Variants in JADE2 observed in about 807,000 individuals in gnomAD.
JADE2 encodes E3 ubiquitin-protein ligase Jade-2.
In JADE2, 13 loss-of-function variants were observed where a neutral mutation model predicts 85.7. The observed-to-expected ratio is 0.15, with a 90% confidence interval of 0.10 to 0.24. The LOEUF (loss-of-function observed/expected upper bound fraction) is 0.24, where lower values mean the gene tolerates loss of function less well. Among genes scored for constraint, JADE2 ranks in the 10% least tolerant of loss-of-function variants. The probability of loss-of-function intolerance (pLI) is 1.00; values close to 1 mark genes in which losing one functional copy is unlikely to be tolerated. For missense variants in JADE2, 846 were observed against 1,115.9 expected (o/e 0.76, Z 3.45); for synonymous variants, 440 against 456.1 (o/e 0.96, Z 0.45).
chr5:134,526,433 G>A, intron 1 of JADE2: 1 of 985,398 alleles, frequency 1.0e-6, no homozygotes, highest in Non-Finnish European at 1.2e-6. Context: ...GATGGGTACG[G>A]TGGGGAGGTC....
At position 134,552,044 on chromosome 5, in the gene JADE2, C is replaced by A. The variant is rs370504594; in HGVS notation, c.154-8C>A. 13 of 1,614,050 alleles carry A rather than the reference C, an allele frequency of 8.1e-6. No homozygotes were observed. The African/African-American group carries it at 1.7e-4, about 22-fold the overall frequency. On this transcript the variant is annotated splice_polypyrimidine_tract_variant and splice_region_variant and intron_variant, in intron 3 of 11. Transcript: ENST00000681547. Reference sequence around the variant, plus strand: ...TGAAGTCACTCTTTCCCCTCTTGCCCCTCACAGGTTTTCCGGACAGACTTG... The same window carrying A: ...TGAAGTCACTCTTTCCCCTCTTGCCACTCACAGGTTTTCCGGACAGACTTG...
intron 3 of JADE2, 63 bp from the exon 4 acceptor site, chr5:134,551,989 G>T (rs1762619309): frequency 6.5e-7 from 1 of 1,534,596 alleles, no homozygotes; most frequent in Non-Finnish European, 9.0e-7. Context: ...TCTTCCTCTG[G>T]CCTGTGGGGC....
intron 9 of JADE2, among the ~76,000 whole-genome samples, chr5:134,569,442 C>T (rs1763855176): frequency 6.6e-6 from 1 of 152,232 alleles, no homozygotes; most frequent in South Asian, 2.1e-4. Flanking sequence ...CCTTGGGCCT[C>T]GGCCCCAGCG....
chr5:134,529,158 T>C (rs1382986372), intron 1 of JADE2, among the ~76,000 whole-genome samples: 1 of 152,198 alleles, frequency 6.6e-6, no homozygotes, highest in Non-Finnish European at 1.5e-5. Flanking sequence ...TAGTCCAAAT[T>C]CTTCATGGCA....
intron 4 of JADE2, among the ~76,000 whole-genome samples, chr5:134,555,948 C>T (rs964494202): frequency 9.9e-5 from 15 of 152,104 alleles, no homozygotes; most frequent in African/African-American, 3.6e-4. Context: ...GCCCCCTCGA[C>T]CTTATATAGG....
intron 1 of JADE2, among the ~76,000 whole-genome samples, chr5:134,529,213 C>T (rs956952534): frequency 2.0e-5 from 3 of 152,294 alleles, no homozygotes; most frequent in African/African-American, 7.2e-5. Context: ...CCTTTAGGTT[C>T]TCTGATGGGG....
At chr5:134,547,146 G>A (rs908083907) in intron 3 of JADE2, among the ~76,000 whole-genome samples, 2 of 152,176 alleles carry the variant, frequency 1.3e-5, no homozygotes, top group Admixed American at 1.3e-4. Flanking sequence ...CTTTTGAATG[G>A]TTGTGATCTG....
chr5:134,579,240 G>A lies in JADE2; in HGVS notation c.2428G>A (p.Glu810Lys), dbSNP rs772295800. The A allele has an allele frequency of 5.0e-5, 80 of 1,613,920 alleles. No homozygotes were observed. In the Admixed American group the frequency reaches 5.0e-4, roughly 10 times the overall value. ...GATGAGCGACTCAGATGTAGAGGCC[G>A]AGGACGGTGGGGTGCAGCGGGGTCC... ...GEMSDSDVEA[E>K]DGGVQRGPRE... The change falls in exon 12 of 12, where the codon GAG becomes AAG. Residue 810 changes from glutamate (E) to lysine (K), a missense_variant. This residue lies in a region of JADE2 where 300 missense variants were observed against 300.7 expected (regional missense o/e 1.00). Transcript: ENST00000681547. This position sits in a 1 kb window ranked among gnomAD's most constrained non-coding sequence, Gnocchi z 4.6.
In JADE2 at chr5:134,535,840, G is replaced by C; in HGVS notation, c.1-18G>C. 6.2e-7 allele frequency: 1 copy of C among 1,613,434 alleles called. No homozygotes were observed. Among genetic ancestry groups the C allele is most frequent in the South Asian group, 1.1e-5 (1 of 91,072 alleles). On this transcript the variant is annotated intron_variant, in intron 1 of 11. Transcript: ENST00000681547. ...CCCAAGCCATCCGTGAGTATAATGG[G>C]CTTGCCTTTTGTTGCAGATGGAAGA... is the stretch of plus-strand genomic sequence containing the variant.
At chr5:134,571,080 C>T (rs1463867802) in intron 9 of JADE2, among the ~76,000 whole-genome samples, 6 of 152,208 alleles carry the variant, frequency 3.9e-5, no homozygotes, top group Non-Finnish European at 5.9e-5. Context: ...GGAGTCTCTC[C>T]GTGCCTCCCA....
chr5:134,552,900 T>C, intron 4 of JADE2, among the ~76,000 whole-genome samples: 1 of 150,938 alleles, frequency 6.6e-6, no homozygotes. Flanking sequence ...CTTGAACTCC[T>C]GGGCTCAAGC....
At chr5:134,531,083 G>A (rs752256953) in intron 1 of JADE2, among the ~76,000 whole-genome samples, 8 of 152,252 alleles carry the variant, frequency 5.3e-5, no homozygotes, top group Non-Finnish European at 1.0e-4. Context: ...AATTTCTTCA[G>A]ATAGTGTGAT....
intron 1 of JADE2, 168 bp downstream of exon 1, chr5:134,526,179 G>A (rs571998567): frequency 9.1e-6 from 9 of 985,572 alleles, no homozygotes; most frequent in South Asian, 9.4e-5. Flanking sequence ...GAGAGGGGGG[G>A]GATGCACAGC....
intron 6 of JADE2, among the ~76,000 whole-genome samples, chr5:134,561,161 T>C (rs994439470): frequency 3.3e-5 from 5 of 152,206 alleles, no homozygotes; most frequent in East Asian, 1.9e-4. Context: ...CCAGAGCCCA[T>C]TGGCTTTCTG....
At chr5:134,535,365 A>G (rs1761522855) in intron 1 of JADE2, among the ~76,000 whole-genome samples, 1 of 152,124 alleles carries the variant, frequency 6.6e-6, no homozygotes, top group Non-Finnish European at 1.5e-5. Context: ...CACTCGCAGG[A>G]CTAGGCCCTC....
chr5:134,541,178 C>T (rs1344200135), intron 3 of JADE2, among the ~76,000 whole-genome samples: 1 of 152,230 alleles, frequency 6.6e-6, no homozygotes, highest in South Asian at 2.1e-4. Context: ...CGCCCAGAAC[C>T]CTTGAACTGT....
upstream of JADE2, chr5:134,525,593 G>T: frequency 1.6e-5 from 1 of 62,760 alleles, no homozygotes; most frequent in Non-Finnish European, 3.1e-5. Flanking sequence ...CCTCCTGCCC[G>T]CCCCCACCCC....
At chr5:134,535,942 C>A (rs985555278) in intron 2 of JADE2, 27 bp downstream of exon 2, 3 of 1,602,064 alleles carry the variant, frequency 1.9e-6, no homozygotes, top group Non-Finnish European at 2.6e-6. Flanking sequence ...TGGGCTCCTA[C>A]AGGGAAAGCA....
intron 3 of JADE2, among the ~76,000 whole-genome samples, chr5:134,546,033 C>G (rs2149912182): frequency 6.6e-6 from 1 of 152,354 alleles, no homozygotes; most frequent in South Asian, 2.1e-4. Flanking sequence ...CTGCCAGCCT[C>G]CTGCCTCTTC....
Sources: gnomAD v4.1 joint callset for allele counts (sites outside exome capture counted in the v4.1 genomes callset) on GRCh38, gnomAD v4.1.1 for gene constraint, gnomAD v4.1.1 regional missense constraint, Gnocchi (gnomAD v3.1) non-coding constraint, MANE v1.5 for transcripts, NCBI Gene and HGNC (gene_info 2026-07-23, HGNC 2026-07-21) for gene names.